The following RPL38 variants were observed in gnomAD, a reference collection of about 807,000 sequenced individuals.
RPL38 encodes large ribosomal subunit protein eL38.
A neutral mutation model predicts 12.8 loss-of-function variants in RPL38; 2 were observed. The observed-to-expected ratio is 0.16, with a 90% CI of 0.06 to 0.49. The LOEUF (loss-of-function observed/expected upper bound fraction) is 0.49. Ranked by LOEUF, RPL38 falls within the 20% of genes least tolerant of loss-of-function variation. RPL38 has a pLI of 0.96. For missense variants in RPL38, 52 were observed against 79.8 expected, an observed-to-expected ratio of 0.65 and a Z score of 1.33; for synonymous variants, 42 against 30.1, an observed-to-expected ratio of 1.39 and a Z score of -1.29.
chr17:74,204,544 T>C, intron 3 of RPL38: 1 of 316,998 alleles, frequency 3.2e-6, no homozygotes, highest in South Asian at 3.5e-5. Context: ...TTGTGCAAAA[T>C]CTTAACACAA....
chr17:74,203,903 G>A lies in RPL38; in HGVS notation c.-38-15G>A. 3 of 1,579,762 alleles carry A rather than the reference G, an allele frequency of 1.9e-6. No individual in the cohort carries two copies. The highest frequency in any genetic ancestry group is 4.5e-5 in the East Asian group (2 of 44,014). On this transcript the variant is annotated splice_polypyrimidine_tract_variant and intron_variant, in intron 1 of 4. Coordinates refer to ENST00000311111, the MANE Select transcript of RPL38 (RefSeq NM_000999.4). ...GCCCCCGCGCCGTGTTAACGCCGAG[G>A]ACTGTTTCCCGCAGGTCCTGGTCCG... is the stretch of plus-strand genomic sequence containing the variant.
intron 3 of RPL38, among the ~76,000 whole-genome samples, chr17:74,208,082 AGTGCTGT>A (rs971664991): frequency 2.6e-5 from 4 of 152,192 alleles, no homozygotes; most frequent in African/African-American, 9.7e-5. Flanking sequence ...TGCCAGGTTA[AGTGCTGT>A]GTGCTGTGTC....
chr17:74,205,197 G>A (rs1017047764), intron 3 of RPL38: 1 of 152,250 alleles, frequency 6.6e-6, no homozygotes, highest in African/African-American at 2.4e-5. Flanking sequence ...TACACCAAGT[G>A]TGAGAGGTAG....
At position 74,204,116 on chromosome 17, in the gene RPL38, C is replaced by T. The variant is rs1225330903; in HGVS notation, c.4-14C>T. On this transcript the variant is annotated splice_polypyrimidine_tract_variant and intron_variant, in intron 2 of 4. Coordinates refer to ENST00000311111, the MANE Select transcript of RPL38 (RefSeq NM_000999.4). Reference sequence around the variant, plus strand: ...CTCTTTCCTCTCTGTTCACCCGCTTCCTTTGTGTTGCAGCCTCGGAAAATT... The same window carrying T: ...CTCTTTCCTCTCTGTTCACCCGCTTTCTTTGTGTTGCAGCCTCGGAAAATT... 6 of 1,614,034 alleles carry T rather than the reference C, an allele frequency of 3.7e-6. No individual in the cohort carries two copies. The African/African-American group carries it at 4.0e-5, about 11-fold the overall frequency.
chr17:74,203,965 A>G lies in RPL38; in HGVS notation c.3+7A>G, dbSNP rs773791520. The G allele has an allele frequency of 3.1e-6, 5 of 1,612,824 alleles. No individual in the cohort carries two copies. The highest frequency in any genetic ancestry group is 4.2e-6 in the Non-Finnish European group (5 of 1,179,606). The stretch of plus-strand genomic sequence containing the variant: ...AGCGCGCCTCGTCGCCATGGTGAGT[A>G]CAGTCCCTGCCTGGCGCCTTCCCGG... On this transcript the variant is annotated splice_region_variant and intron_variant, in intron 2 of 4. Coordinates refer to ENST00000311111, the MANE Select transcript of RPL38 (RefSeq NM_000999.4).
At chr17:74,206,269 A>C (rs1234898083) in intron 3 of RPL38, 1 of 152,008 alleles carries the variant, frequency 6.6e-6, no homozygotes, top group Non-Finnish European at 1.5e-5. Flanking sequence ...CATCATAGTG[A>C]GACCCTGTCT....
chr17:74,207,726 G>A (rs564352119), intron 3 of RPL38, among the ~76,000 whole-genome samples: 1 of 151,020 alleles, frequency 6.6e-6, no homozygotes, highest in Non-Finnish European at 1.5e-5. Flanking sequence ...GGCTGGTCTC[G>A]AACTCCCGAC....
Position 74,203,970 on chromosome 17 carries a change from C to T in RPL38, c.3+12C>T, listed in dbSNP as rs1281111737. ...GCCTCGTCGCCATGGTGAGTACAGT[C>T]CCTGCCTGGCGCCTTCCCGGGGTGG... On this transcript the variant is annotated intron_variant, in intron 2 of 4. Transcript: ENST00000311111. 6.2e-7 allele frequency: 1 copy of T among 1,612,666 alleles called. No individual in the cohort carries two copies. The highest frequency in any genetic ancestry group is 1.3e-5 in the African/African-American group (1 of 74,904).
At chr17:74,206,835 C>G (rs1478863156) in intron 3 of RPL38, among the ~76,000 whole-genome samples, 3 of 150,620 alleles carry the variant, frequency 2.0e-5, no homozygotes, top group Non-Finnish European at 3.0e-5. Flanking sequence ...GCCTCAGCCT[C>G]CCAAGTAGCT....
chr17:74,210,053 T>C lies in RPL38; in HGVS notation c.*224T>C, dbSNP rs1191253866. ...CTCATCCTGGAGCACAGTGGTGCGATATCAGCTCACTACCACCTCCGCCTC... is the reference window on the plus strand; with the variant it reads ...CTCATCCTGGAGCACAGTGGTGCGACATCAGCTCACTACCACCTCCGCCTC... On this transcript the variant is annotated 3_prime_UTR_variant, in exon 5 of 5. Coordinates refer to ENST00000311111, the MANE Select transcript of RPL38 (RefSeq NM_000999.4). 6.4e-6 allele frequency: 3 copies of C among 472,024 alleles called. No individual in the cohort carries two copies. The highest frequency in any genetic ancestry group is 1.1e-5 in the Non-Finnish European group (3 of 268,130). 29.2% of individuals were successfully genotyped at this position (472,024 alleles called of 1,614,324 possible). A position where few individuals can be genotyped will look rare whatever the true frequency, so the allele number is the denominator to read the frequency against.
At chr17:74,206,248 A>G (rs549491754) in intron 3 of RPL38, 1 of 152,252 alleles carries the variant, frequency 6.6e-6, no homozygotes, top group East Asian at 1.9e-4. Flanking sequence ...GATGGATGAG[A>G]CTAGCCTGGG....
intron 3 of RPL38, chr17:74,204,558 C>G (rs2050093948): frequency 6.7e-6 from 2 of 299,052 alleles, no homozygotes; most frequent in South Asian, 7.3e-5. Flanking sequence ...AACACAAAAT[C>G]CATTTTGTAA....
Position 74,203,902 on chromosome 17 carries a change from G to A in RPL38, c.-38-16G>A, listed in dbSNP as rs1336145437. The A allele has an allele frequency of 1.9e-6, 3 of 1,578,854 alleles. No homozygotes were observed. Among genetic ancestry groups the A allele is most frequent in the Non-Finnish European group, 8.6e-7 (1 of 1,160,242 alleles). On this transcript the variant is annotated splice_polypyrimidine_tract_variant and intron_variant, in intron 1 of 4. Transcript: ENST00000311111. ...AGCCCCCGCGCCGTGTTAACGCCGA[G>A]GACTGTTTCCCGCAGGTCCTGGTCC...
chr17:74,203,784 AC>A, intron 1 of RPL38, 39 bp downstream of exon 1: 1 of 768,260 alleles, frequency 1.3e-6, no homozygotes, highest in Non-Finnish European at 2.1e-6. Flanking sequence ...AAATCTGGGG[AC>A]CCCAGGTCCG....
At chr17:74,204,406 G>T (rs192054181) in intron 3 of RPL38, 78 of 574,264 alleles carry the variant, frequency 1.4e-4, no homozygotes, top group South Asian at 2.7e-4. Context: ...AGCTAATCGC[G>T]ATCATCTCAG....
chr17:74,205,375 GC>G (rs1461034758), intron 3 of RPL38: 10 of 152,198 alleles, frequency 6.6e-5, no homozygotes, highest in African/African-American at 2.4e-4. Context: ...GTTAAGGTGG[GC>G]TAAGACACCA....
rs2050149422 is a variant in RPL38 at position 74,209,864 on chromosome 17, A to T, written c.*35A>T. 1 of 1,562,518 alleles carries T rather than the reference A, an allele frequency of 6.4e-7. No individual in the cohort carries two copies. Among genetic ancestry groups the T allele is most frequent in the Non-Finnish European group, 8.8e-7 (1 of 1,134,424 alleles). On this transcript the variant is annotated 3_prime_UTR_variant, in exon 5 of 5. Coordinates refer to ENST00000311111, the MANE Select transcript of RPL38 (RefSeq NM_000999.4). ...ACTGATTGGAACTGTATTATATTAA[A>T]ATACTAAAAATCCTAAGTGTCTTTC...
chr17:74,210,143 A>T lies in RPL38; in HGVS notation c.*314A>T, dbSNP rs2050153107. ...GCTGGGATTACAGGCACACATCACC[A>T]CGCCTGGCCAATTTTTGTATTTGTA... On this transcript the variant is annotated 3_prime_UTR_variant, in exon 5 of 5. Transcript: ENST00000311111. 1 of 261,260 alleles carries T rather than the reference A, an allele frequency of 3.8e-6. No homozygotes were observed. Among genetic ancestry groups the T allele is most frequent in the East Asian group, 8.4e-5 (1 of 11,970 alleles). 16.2% of individuals were successfully genotyped at this position (261,260 alleles called of 1,614,324 possible).
chr17:74,204,104 G>C (rs1249830684), intron 2 of RPL38, 26 bp from the exon 3 acceptor site: 6 of 1,613,960 alleles, frequency 3.7e-6, no homozygotes, highest in Non-Finnish European at 5.1e-6. Context: ...TTTCCTCTCT[G>C]TTCACCCGCT....
Sources: allele counts gnomAD v4.1 joint callset (sites outside exome capture counted in the v4.1 genomes callset), GRCh38; gene constraint gnomAD v4.1.1; transcripts MANE v1.5; gene names NCBI Gene and HGNC (gene_info 2026-07-23, HGNC 2026-07-21).